The following KIF17 variants were observed in gnomAD, a reference collection of about 807,000 sequenced individuals.
KIF17 encodes kinesin family member 17, also known as kinesin-like protein KIF17.
KIF17 carries 80 observed loss-of-function variants against 96.8 expected under a neutral mutation model. The ratio of observed to expected loss-of-function variants is 0.83; its 90% CI spans 0.69 to 1.00. The LOEUF (loss-of-function observed/expected upper bound fraction) is 1.00. Among genes scored for constraint, KIF17 ranks in the 50% least tolerant of loss-of-function variants. The pLI is 0.00. For missense variants in KIF17, 1,280 were observed against 1,372.9 expected (o/e 0.93, Z 1.07); for synonymous variants, 567 against 587.5 (o/e 0.97, Z 0.51).
At chr1:20,662,545 C>T (rs1019370326), downstream of KIF17, among the ~76,000 whole-genome samples, 3 of 152,216 alleles carry the variant, frequency 2.0e-5, no homozygotes, top group Non-Finnish European at 2.9e-5. Context: ...TGCAGAGCTC[C>T]TGGCTCCTGC....
rs2054181507 is a variant in KIF17, at chr1:20,698,478, G to A, written c.1134C>T (p.Ser378=). The A allele has an allele frequency of 6.2e-7, 1 of 1,612,228 alleles. No individual in the cohort carries two copies. Residue 378 remains serine, a synonymous_variant, in exon 6 of 15, where the codon TCC becomes TCT. Coordinates refer to ENST00000400463, the MANE Select transcript of KIF17 (RefSeq NM_001122819.3). ...MSPSSLSALL[S]RQVPPDPVQV... is the part of the protein sequence containing the mutation. ...GCACAGGGTCTGGGGGCACCTGCCTGGACAGCAGGGCTGGGGGAGAAACAG... is the reference window on the plus strand; with the variant it reads ...GCACAGGGTCTGGGGGCACCTGCCTAGACAGCAGGGCTGGGGGAGAAACAG...
At chr1:20,667,965 G>A (rs370425513) in intron 13 of KIF17, among the ~76,000 whole-genome samples, 12 of 151,388 alleles carry the variant, frequency 7.9e-5, no homozygotes, top group East Asian at 3.9e-4. Flanking sequence ...AGCTGAGATC[G>A]CACAACTGCA....
At position 20,687,523 on chromosome 1, in the gene KIF17, C is replaced by T. The variant is rs574217911; in HGVS notation, c.1803G>A (p.Pro601=). ...GEQNYLPQEE[P]QEVPLQGLLG... ...GTAACCCCTGCAGGGGCACCTCCTG[C>T]GGCTCCTCTTGCGGGAGGTAGTTCT... The change falls in exon 8 of 15, where the codon CCG becomes CCA. Residue 601 remains proline (P), a synonymous_variant. Transcript: ENST00000400463. The surrounding 1 kb of genome is among the most constrained non-coding windows in gnomAD (Gnocchi z 4.4). The T allele has an allele frequency of 2.9e-5, 47 of 1,613,272 alleles. No homozygotes were observed. Among genetic ancestry groups the T allele is most frequent in the East Asian group, 2.5e-4 (11 of 44,846 alleles).
intron 13 of KIF17, among the ~76,000 whole-genome samples, chr1:20,669,251 C>T (rs1055227632): frequency 4.6e-5 from 7 of 151,952 alleles, no homozygotes; most frequent in Non-Finnish European, 8.8e-5. Flanking sequence ...GAAAACACCC[C>T]GCTTAGCTGG....
intron 6 of KIF17, among the ~76,000 whole-genome samples, chr1:20,698,072 C>T (rs936965228): frequency 6.6e-6 from 1 of 152,244 alleles, no homozygotes; most frequent in Non-Finnish European, 1.5e-5. Context: ...GCCACCCCTT[C>T]CTTCAAAACG....
downstream of KIF17, among the ~76,000 whole-genome samples, chr1:20,663,836 A>G (rs2053477407): frequency 6.6e-6 from 1 of 151,484 alleles, no homozygotes; most frequent in South Asian, 2.1e-4. Flanking sequence ...CGAGAATCTA[A>G]TGAAAATTCA....
chr1:20,686,419 C>T (rs939211965), intron 8 of KIF17: 3 of 521,000 alleles, frequency 5.8e-6, no homozygotes, highest in East Asian at 3.4e-5. Context: ...AAACCCAGCC[C>T]AGAAAGGTCA....
chr1:20,666,404 T>A, intron 13 of KIF17, 73 bp from the exon 14 acceptor site: 1 of 1,250,700 alleles, frequency 8.0e-7, no homozygotes, highest in Non-Finnish European at 1.2e-6. Flanking sequence ...CAGCCTCTGG[T>A]ATCCTGGGGC....
Position 20,704,416 on chromosome 1 carries a change from C to T in KIF17, c.1123+31G>A, listed in dbSNP as rs1328286318. The stretch of plus-strand genomic sequence containing the variant: ...AGGAAGCTTTCTCCTGGGGACCTGG[C>T]CCTCCCGCCACTACCCCAACGTGGT... On this transcript the variant is annotated intron_variant, in intron 5 of 14. Coordinates refer to ENST00000400463, the MANE Select transcript of KIF17 (RefSeq NM_001122819.3). This position sits in a 1 kb window ranked among gnomAD's most constrained non-coding sequence, Gnocchi z 6.8. 3.8e-6 allele frequency: 6 copies of T among 1,577,358 alleles called. No homozygotes were observed. Among genetic ancestry groups the T allele is most frequent in the Non-Finnish European group, 5.2e-6 (6 of 1,151,882 alleles).
chr1:20,691,034 C>T (rs2054031371), intron 6 of KIF17, among the ~76,000 whole-genome samples: 1 of 149,846 alleles, frequency 6.7e-6, no homozygotes, highest in South Asian at 2.3e-4. Context: ...GGCGTGGTGG[C>T]TCATGCCTGT....
intron 2 of KIF17, 74 bp from the exon 3 acceptor site, chr1:20,713,629 C>T: frequency 9.0e-7 from 1 of 1,111,854 alleles, no homozygotes; most frequent in Non-Finnish European, 1.3e-6. Flanking sequence ...GACCCTGGGG[C>T]CTGGGCCCTC....
At chr1:20,712,785 TCTATATATAAATAGATAA>T (rs1383872170) in intron 3 of KIF17, among the ~76,000 whole-genome samples, 36 of 83,478 alleles carry the variant, frequency 4.3e-4, no homozygotes, top group African/African-American at 1.1e-3. Context: ...ATAGATAATA[TCTATATATAAATAGATAA>T]TATCTATATA....
At chr1:20,715,937 T>C (rs1236380540) in intron 1 of KIF17, among the ~76,000 whole-genome samples, 2 of 152,160 alleles carry the variant, frequency 1.3e-5, no homozygotes, top group Non-Finnish European at 2.9e-5. Flanking sequence ...CTGAGGCAAA[T>C]TGATAAGATG....
chr1:20,686,607 G>C (rs896528624), intron 8 of KIF17, among the ~76,000 whole-genome samples: 3 of 152,146 alleles, frequency 2.0e-5, no homozygotes, highest in Non-Finnish European at 2.9e-5. Flanking sequence ...CCAGGCTGGA[G>C]CACAGTGGTG....
intron 4 of KIF17, among the ~76,000 whole-genome samples, chr1:20,707,793 G>A (rs1394038829): frequency 6.0e-4 from 22 of 36,420 alleles, no homozygotes; most frequent in African/African-American, 1.2e-3. Flanking sequence ...GTGTATGTGT[G>A]TGTGTGTGTG....
chr1:20,691,947 A>G (rs1218942285), intron 6 of KIF17, among the ~76,000 whole-genome samples: 1 of 152,172 alleles, frequency 6.6e-6, no homozygotes, highest in Non-Finnish European at 1.5e-5. Context: ...CATCTTTGCT[A>G]TCACTGCCAG....
At chr1:20,675,772 C>T (rs756089881) in intron 11 of KIF17, among the ~76,000 whole-genome samples, 1 of 152,234 alleles carries the variant, frequency 6.6e-6, no homozygotes, top group Non-Finnish European at 1.5e-5. Context: ...TGACCTCTCA[C>T]CAATATGAGT....
rs1297692808 is a variant in KIF17 at position 20,687,714 on chromosome 1, A to G, written c.1612T>C (p.Ser538Pro). 1.2e-6 allele frequency: 2 copies of G among 1,614,200 alleles called. No homozygotes were observed. Among genetic ancestry groups the G allele is most frequent in the South Asian group, 2.2e-5 (2 of 91,082 alleles). Residue 538 changes from serine (S) to proline (P), a missense_variant, in exon 8 of 15, where the codon TCC becomes CCC. Physicochemically the swap from Ser to Pro is moderately conservative, Grantham distance 74. Coordinates refer to ENST00000400463, the MANE Select transcript of KIF17 (RefSeq NM_001122819.3). This position sits in a 1 kb window ranked among gnomAD's most constrained non-coding sequence, Gnocchi z 4.4. ...EPSKSEISLGSSESSSLEETS... is the reference protein window; with the variant it reads ...EPSKSEISLGPSESSSLEETS... ...TCTTCGAGCGAGGATGACTCACTGG[A>G]GCCCAGAGAAATCTCAGATTTGGAG...
chr1:20,705,858 G>A (rs2054331010), intron 4 of KIF17, among the ~76,000 whole-genome samples: 1 of 140,972 alleles, frequency 7.1e-6, no homozygotes, highest in South Asian at 2.3e-4. Flanking sequence ...GCTCTGGGCT[G>A]TAGGCCTCAG....
Sources: allele counts gnomAD v4.1 joint callset (sites outside exome capture counted in the v4.1 genomes callset), GRCh38; gene constraint gnomAD v4.1.1; non-coding constraint Gnocchi (gnomAD v3.1); transcripts MANE v1.5; gene names NCBI Gene and HGNC (gene_info 2026-07-23, HGNC 2026-07-21).